ATRNL1: variants seen among roughly 807,000 people sequenced by gnomAD.
The protein encoded by ATRNL1 is attractin-like protein 1.
A neutral mutation model predicts 182.7 loss-of-function variants in ATRNL1; 95 were observed. That is an observed-to-expected ratio of 0.52 (90% CI 0.44 to 0.62). The LOEUF (loss-of-function observed/expected upper bound fraction) is 0.62. Among genes scored for constraint, ATRNL1 ranks in the 20% least tolerant of loss-of-function variants. ATRNL1 has a pLI of 0.00. For synonymous variants in ATRNL1, 576 were observed against 568.3 expected, an observed-to-expected ratio of 1.01 and a Z score of -0.19; for missense variants, 1,471 against 1,679.5, an observed-to-expected ratio of 0.88 and a Z score of 2.17.
Position 115,238,187 on chromosome 10 carries a change from GTTC to G in ATRNL1, c.1533-3374_1533-3372del, listed in dbSNP as rs1357951045. On this transcript the variant is annotated intron_variant, in intron 9 of 28. Transcript: ENST00000355044. ...CCAGGTGATGTCAATCTTTGACTTT[GTTC>G]TTCTTCTTCAATATTGTGCTGGCTA... Among the ~76,000 whole-genome samples, 3 of 152,050 alleles carry G rather than the reference GTTC, an allele frequency of 2.0e-5. No individual in the cohort carries two copies. The East Asian group carries it at 5.8e-4, about 29-fold the overall frequency.
At chr10:115,733,731 C>A (rs946675479) in intron 27 of ATRNL1, among the ~76,000 whole-genome samples, 2 of 152,010 alleles carry the variant, frequency 1.3e-5, no homozygotes, top group African/African-American at 4.8e-5. Flanking sequence ...TTTAATTTTC[C>A]CCAGGTTTCC....
intron 17 of ATRNL1, among the ~76,000 whole-genome samples, chr10:115,305,520 A>G (rs948804451): frequency 6.6e-6 from 1 of 152,190 alleles, no homozygotes; most frequent in Non-Finnish European, 1.5e-5. Flanking sequence ...GCCTTTGTGC[A>G]TAGCAAAACA....
chr10:115,126,698 G>T (rs1264690867), intron 3 of ATRNL1, among the ~76,000 whole-genome samples: 2 of 152,136 alleles, frequency 1.3e-5, no homozygotes, highest in African/African-American at 4.8e-5. Context: ...TGATTTGAAT[G>T]GGGGAATTCA....
chr10:115,633,201 A>G (rs184953532), intron 26 of ATRNL1, among the ~76,000 whole-genome samples: 16 of 152,246 alleles, frequency 1.1e-4, no homozygotes, highest in Admixed American at 6.5e-4. Context: ...GTGAGCCACT[A>G]CACCTGGCCT....
Position 115,677,918 on chromosome 10 carries a change from G to A in ATRNL1, c.3796-49330G>A, listed in dbSNP as rs899131046. Among the ~76,000 whole-genome samples the A allele has an allele frequency of 3.3e-5, 5 of 151,890 alleles. No homozygotes were observed. The East Asian group carries it at 7.8e-4, about 24-fold the overall frequency. On this transcript the variant is annotated intron_variant, in intron 26 of 28. Transcript: ENST00000355044. ...CTATAGCCTGGGGCCAGCAGATATC[G>A]GGCATAGTTTCATGGGGTATGCAAA...
chr10:115,249,608 A>G (rs1449453056), intron 10 of ATRNL1, among the ~76,000 whole-genome samples: 2 of 152,138 alleles, frequency 1.3e-5, no homozygotes, highest in Non-Finnish European at 2.9e-5. Context: ...TATTGAGTAT[A>G]TGGTTCATAA....
chr10:115,829,510 CAAA>C (rs5788115), intron 27 of ATRNL1, among the ~76,000 whole-genome samples: 11 of 138,488 alleles, frequency 7.9e-5, no homozygotes, highest in African/African-American at 1.6e-4. Context: ...TTTTCTTTTT[CAAA>C]AAAAAAAAAA....
Position 115,467,406 on chromosome 10 carries a change from T to C in ATRNL1, c.3496+154T>C, listed in dbSNP as rs541438409. On this transcript the variant is annotated intron_variant, in intron 23 of 28. Transcript: ENST00000355044. ...CTGGTAAAAATAATAAGTAGAAAAA[T>C]GAATAGAGCTTCATTATTTTGTTAA... is the stretch of plus-strand genomic sequence containing the variant. 2.7e-5 allele frequency among the ~76,000 whole-genome samples: 4 copies of C among 150,902 alleles called. No individual in the cohort carries two copies. The East Asian group carries it at 7.8e-4, about 29-fold the overall frequency.
chr10:115,844,116 T>C (rs1403893012), intron 27 of ATRNL1, among the ~76,000 whole-genome samples: 1 of 152,112 alleles, frequency 6.6e-6, no homozygotes, highest in Non-Finnish European at 1.5e-5. Flanking sequence ...CAAGTTCTGC[T>C]TTGGAACTAC....
At chr10:115,264,850 C>T (rs1251625270) in intron 10 of ATRNL1, among the ~76,000 whole-genome samples, 4 of 151,506 alleles carry the variant, frequency 2.6e-5, no homozygotes, top group Non-Finnish European at 5.9e-5. Flanking sequence ...GAGGTGTGCC[C>T]TATACTGACA....
At chr10:115,386,009 C>G (rs1484089714) in intron 19 of ATRNL1, among the ~76,000 whole-genome samples, 2 of 151,906 alleles carry the variant, frequency 1.3e-5, no homozygotes, top group Non-Finnish European at 2.9e-5. Flanking sequence ...CTTCTGTCTT[C>G]GTCTTTTTTA....
rs374228452 is a variant in ATRNL1 at position 115,417,347 on chromosome 10, A to G, written c.3270-8903A>G. 7.7e-4 allele frequency among the ~76,000 whole-genome samples: 117 copies of G among 152,272 alleles called. 2 individuals are homozygous for G. In the South Asian group the frequency reaches 0.024, roughly 31 times the overall value. On this transcript the variant is annotated intron_variant, in intron 20 of 28. Coordinates refer to ENST00000355044, the MANE Select transcript of ATRNL1 (RefSeq NM_207303.4). Reference sequence around the variant, plus strand: ...GAGTTCCCAGCACAGAACTGCTCACACAAAACCCCAGAGGGAGACTTGCCC... The same window carrying G: ...GAGTTCCCAGCACAGAACTGCTCACGCAAAACCCCAGAGGGAGACTTGCCC...
At chr10:115,561,750 TG>T (rs1853764038) in intron 26 of ATRNL1, among the ~76,000 whole-genome samples, 1 of 147,010 alleles carries the variant, frequency 6.8e-6, no homozygotes, top group Non-Finnish European at 1.5e-5. Context: ...CTCATGAAAA[TG>T]AAAAGATGCT....
chr10:115,327,279 A>G (rs1854947532), intron 18 of ATRNL1, among the ~76,000 whole-genome samples: 1 of 150,762 alleles, frequency 6.6e-6, no homozygotes, highest in Admixed American at 6.6e-5. Context: ...GGCAAAGGAC[A>G]TGAACAGACA....
chr10:115,133,213 G>C (rs1169197171), intron 5 of ATRNL1, among the ~76,000 whole-genome samples: 3 of 152,058 alleles, frequency 2.0e-5, no homozygotes, highest in African/African-American at 4.8e-5. Context: ...TCTTGTTTTT[G>C]TCAGGTTTGT....
chr10:115,580,522 G>A (rs191504629), intron 26 of ATRNL1, among the ~76,000 whole-genome samples: 1 of 151,640 alleles, frequency 6.6e-6, no homozygotes, highest in Non-Finnish European at 1.5e-5. Flanking sequence ...AAATTCTCTC[G>A]GTCTTTAACT....
At chr10:115,173,848 T>TA (rs61661973) in intron 8 of ATRNL1, among the ~76,000 whole-genome samples, 15 of 151,392 alleles carry the variant, frequency 9.9e-5, no homozygotes, top group East Asian at 5.8e-4. Context: ...AGAATCACTT[T>TA]AAAAAAAATG....
intron 27 of ATRNL1, among the ~76,000 whole-genome samples, chr10:115,776,707 C>T (rs1240023841): frequency 6.6e-6 from 1 of 152,098 alleles, no homozygotes; most frequent in East Asian, 1.9e-4. Context: ...TGACAGCTGA[C>T]AGCCAGCACC....
intron 27 of ATRNL1, among the ~76,000 whole-genome samples, chr10:115,818,492 T>G (rs1950219143): frequency 6.6e-6 from 1 of 152,156 alleles, no homozygotes; most frequent in Admixed American, 6.6e-5. Context: ...TAATCTGTAT[T>G]CTGCTCTCAT....
Sources: gnomAD v4.1 joint callset for allele counts (sites outside exome capture counted in the v4.1 genomes callset) on GRCh38, gnomAD v4.1.1 for gene constraint, MANE v1.5 for transcripts, NCBI Gene and HGNC (gene_info 2026-07-23, HGNC 2026-07-21) for gene names.